Variants in NUP155 observed in about 807,000 individuals in gnomAD.
NUP155 encodes the protein nucleoporin 155.
A neutral mutation model predicts 180.4 loss-of-function variants in NUP155; 71 were observed. The ratio of observed to expected loss-of-function variants is 0.39; its 90% CI spans 0.33 to 0.48. The LOEUF (loss-of-function observed/expected upper bound fraction) is 0.48, where lower values mean the gene tolerates loss of function less well. NUP155 is among the 20% of genes least tolerant of loss of function. The pLI is 0.91. For missense variants in NUP155, 1,553 were observed against 1,648.9 expected, an observed-to-expected ratio of 0.94 and a Z score of 1.01; for synonymous variants, 582 against 559.5, an observed-to-expected ratio of 1.04 and a Z score of -0.57.
At chr5:37,361,691 G>C (rs565612669) in intron 3 of NUP155, among the ~76,000 whole-genome samples, 1 of 152,300 alleles carries the variant, frequency 6.6e-6, no homozygotes, top group East Asian at 1.9e-4. Flanking sequence ...AAAGCCAATT[G>C]AATATTTAAA....
At position 37,348,532 on chromosome 5, in the gene NUP155, A is replaced by G; in HGVS notation, c.968T>C (p.Ile323Thr). 6.2e-7 allele frequency: 1 copy of G among 1,611,610 alleles called. No homozygotes were observed. Among genetic ancestry groups the G allele is most frequent in the Non-Finnish European group, 8.5e-7 (1 of 1,177,732 alleles). The change falls in exon 9 of 35, where the codon ATT becomes ACT. Residue 323 changes from isoleucine to threonine, a missense_variant. Coordinates refer to ENST00000231498, the MANE Select transcript of NUP155 (RefSeq NM_153485.3). ...AGCAATGTTACCAGCAGCAGAGACAATGGCATTCTGTGACACAGAGGCAAC... is the reference window on the plus strand; with the variant it reads ...AGCAATGTTACCAGCAGCAGAGACAGTGGCATTCTGTGACACAGAGGCAAC... ...SRVASVSQNA[I>T]VSAAGNIART...
chr5:37,336,987 A>C (rs1232903789), intron 12 of NUP155, among the ~76,000 whole-genome samples: 1 of 152,124 alleles, frequency 6.6e-6, no homozygotes, highest in Non-Finnish European at 1.5e-5. Context: ...TTCACACCCC[A>C]CTAGGGGCTG....
intron 1 of NUP155, among the ~76,000 whole-genome samples, chr5:37,365,848 T>A (rs2111741523): frequency 6.7e-6 from 1 of 148,646 alleles, no homozygotes; most frequent in East Asian, 2.0e-4. Context: ...AAATAATAAT[T>A]TAGTGTTTTT....
intron 13 of NUP155, 38 bp from the exon 14 acceptor site, chr5:37,331,833 A>G (rs1269249599): frequency 1.6e-6 from 2 of 1,273,452 alleles, no homozygotes; most frequent in Non-Finnish European, 2.3e-6. Context: ...CAAGAGATTT[A>G]CCAAGATTGG....
In NUP155 at chr5:37,298,967, T is replaced by G. The variant is rs745750739; in HGVS notation, c.3694A>C (p.Ser1232Arg). Residue 1232 changes from serine to arginine, a missense_variant, in exon 32 of 35, where the codon AGT (serine) becomes CGT (arginine). Coordinates refer to ENST00000231498, the MANE Select transcript of NUP155 (RefSeq NM_153485.3). ...CTATCCGAGGAGCTCAATGTCACAC[T>G]GTCACTCAATTCTGTAACAAAAAGA... is the stretch of plus-strand genomic sequence containing the variant. ...QDIIEKELSDSVTLSSSDRMH... is the reference protein window; with the variant it reads ...QDIIEKELSDRVTLSSSDRMH... The G allele has an allele frequency of 1.3e-6, 2 of 1,599,510 alleles. No homozygotes were observed. The highest frequency in any genetic ancestry group is 1.7e-6 in the Non-Finnish European group (2 of 1,166,870).
rs749163402 is a variant in NUP155 at position 37,310,629 on chromosome 5, C to T, written c.2551G>A (p.Ala851Thr). The T allele has an allele frequency of 9.9e-6, 16 of 1,612,976 alleles. No homozygotes were observed. The highest frequency in any genetic ancestry group is 2.2e-5 in the East Asian group (1 of 44,810). Residue 851 changes from alanine to threonine, a missense_variant, in exon 23 of 35, where the codon GCT (alanine) becomes ACT (threonine). By Grantham distance (58) the Ala-to-Thr change is moderately conservative (BLOSUM62 0). Coordinates refer to ENST00000231498, the MANE Select transcript of NUP155 (RefSeq NM_153485.3). ...LINCYIRDNA[A>T]VDGISLHLQD... The stretch of plus-strand genomic sequence containing the variant: ...AAATGTAAACTAATGCCATCAACAG[C>T]GGCATTATCTCTGATGTAGCAGTTG...
chr5:37,343,051 A>G (rs923570818), intron 9 of NUP155, among the ~76,000 whole-genome samples: 2 of 151,492 alleles, frequency 1.3e-5, no homozygotes, highest in Admixed American at 6.6e-5. Context: ...GCCCGACCAC[A>G]TATTTCCATA....
chr5:37,370,629 A>G lies in NUP155; in HGVS notation c.157+192T>C, dbSNP rs1042273345. 17 of 1,511,754 alleles carry G rather than the reference A, an allele frequency of 1.1e-5. No homozygotes were observed. In the Admixed American group the frequency reaches 3.3e-4, roughly 30 times the overall value. 93.6% of individuals were successfully genotyped at this position (1,511,754 alleles called of 1,614,324 possible). On this transcript the variant is annotated intron_variant, in intron 1 of 34. Coordinates refer to ENST00000231498, the MANE Select transcript of NUP155 (RefSeq NM_153485.3). ...CTTGCTCTTCACTCTTGCCCTCTCAAGTATCTACAATGAAGAAAGTGAGGA... is the reference window on the plus strand; with the variant it reads ...CTTGCTCTTCACTCTTGCCCTCTCAGGTATCTACAATGAAGAAAGTGAGGA...
At chr5:37,327,837 T>TA in intron 17 of NUP155, 61 bp from the exon 18 acceptor site, 1 of 1,549,882 alleles carries the variant, frequency 6.5e-7, no homozygotes, top group South Asian at 1.1e-5. Flanking sequence ...ATAAATCTCT[T>TA]AATCTTAATC....
intron 5 of NUP155, 51 bp from the exon 6 acceptor site, chr5:37,351,407 T>A: frequency 7.6e-7 from 1 of 1,312,184 alleles, no homozygotes; most frequent in Middle Eastern, 2.1e-4. Context: ...CCACAGTTTT[T>A]AAAAATCTTT....
intron 10 of NUP155, among the ~76,000 whole-genome samples, chr5:37,341,573 CTCTG>C (rs1244958231): frequency 6.6e-6 from 1 of 152,038 alleles, no homozygotes; most frequent in Admixed American, 6.6e-5. Flanking sequence ...CAGAATCTTG[CTCTG>C]TCTCCCAGGC....
chr5:37,370,787 T>C, intron 1 of NUP155, 34 bp downstream of exon 1: 1 of 1,614,026 alleles, frequency 6.2e-7, no homozygotes, highest in Non-Finnish European at 8.5e-7. Flanking sequence ...GCGAGAGTCC[T>C]TTAGGTTGAG....
At chr5:37,353,236 C>A (rs559187371) in intron 4 of NUP155, among the ~76,000 whole-genome samples, 4 of 151,740 alleles carry the variant, frequency 2.6e-5, no homozygotes, top group Admixed American at 2.0e-4. Context: ...TCGATAGATG[C>A]ATTAAAAAAA....
At chr5:37,328,514 C>G in intron 16 of NUP155, 94 bp from the exon 17 acceptor site, 1 of 969,626 alleles carries the variant, frequency 1.0e-6, no homozygotes, top group South Asian at 1.4e-5. Context: ...TTTCCTTTTT[C>G]TTTTTTTGAG....
intron 20 of NUP155, among the ~76,000 whole-genome samples, chr5:37,323,657 T>C (rs1044344658): frequency 1.6e-4 from 24 of 149,230 alleles, no homozygotes; most frequent in African/African-American, 4.1e-4. Flanking sequence ...AATATATTTA[T>C]ATATTGTGTA....
At chr5:37,303,557 G>C in intron 27 of NUP155, 143 bp from the exon 28 acceptor site, 1 of 701,084 alleles carries the variant, frequency 1.4e-6, no homozygotes, top group Non-Finnish European at 2.4e-6. Context: ...AATACTAACA[G>C]ATAAAAGAGA....
chr5:37,298,748 G>T (rs1003831006), intron 32 of NUP155, 120 bp downstream of exon 32: 4 of 697,702 alleles, frequency 5.7e-6, no homozygotes, highest in Non-Finnish European at 1.0e-5. Flanking sequence ...CAGAATTAAA[G>T]TGCTGAACTA....
chr5:37,308,490 A>T (rs757013148), intron 24 of NUP155, among the ~76,000 whole-genome samples: 9 of 151,982 alleles, frequency 5.9e-5, no homozygotes, highest in Non-Finnish European at 1.0e-4. Flanking sequence ...TGAGGTCAGG[A>T]GATTGAGACC....
intron 26 of NUP155, 106 bp from the exon 27 acceptor site, chr5:37,304,949 G>A: frequency 6.6e-7 from 1 of 1,517,662 alleles, no homozygotes. Context: ...ATCCTTACAT[G>A]ATAACTTCTA....
Sources: allele counts gnomAD v4.1 joint callset (sites outside exome capture counted in the v4.1 genomes callset), GRCh38; gene constraint gnomAD v4.1.1; transcripts MANE v1.5; gene names NCBI Gene and HGNC (gene_info 2026-07-23, HGNC 2026-07-21).